The following PIAS4 variants were observed in gnomAD, a reference collection of about 807,000 sequenced individuals.
The protein encoded by PIAS4 is E3 SUMO-protein ligase PIAS4.
PIAS4 carries 7 observed loss-of-function variants against 58.0 expected under a neutral mutation model. That is an observed-to-expected ratio of 0.12 (90% CI 0.07 to 0.23). The LOEUF (loss-of-function observed/expected upper bound fraction) is 0.23, where lower values mean the gene tolerates loss of function less well. PIAS4 is among the 10% of genes least tolerant of loss of function. The pLI, the probability that PIAS4 is intolerant of heterozygous loss-of-function variation, is 1.00. For missense variants in PIAS4, 550 were observed against 709.5 expected (o/e 0.78, Z 2.55); for synonymous variants, 364 against 312.4 (o/e 1.17, Z -1.74).
intron 1 of PIAS4, 126 bp from the exon 2 acceptor site, chr19:4,012,797 A>C: frequency 9.2e-7 from 1 of 1,081,208 alleles, no homozygotes; most frequent in East Asian, 2.4e-5. Context: ...CACCAGCCCC[A>C]GCCAAGGCTG....
At chr19:4,010,451 T>G (rs2039982064) in intron 1 of PIAS4, among the ~76,000 whole-genome samples, 1 of 152,254 alleles carries the variant, frequency 6.6e-6, no homozygotes, top group African/African-American at 2.4e-5. Flanking sequence ...TTTGGGCCAC[T>G]TCCAGAAGAA....
chr19:4,024,175 C>T, intron 3 of PIAS4, 55 bp downstream of exon 3: 1 of 1,307,386 alleles, frequency 7.6e-7, no homozygotes, highest in African/African-American at 1.4e-5. Flanking sequence ...CCACTTTCTC[C>T]TGGGCTCACT....
Position 4,033,412 on chromosome 19 carries a change from C to A in PIAS4, c.982-8C>A, listed in dbSNP as rs1599232096. 4 of 1,548,740 alleles carry A rather than the reference C, an allele frequency of 2.6e-6. No individual in the cohort carries two copies. ...GGGTGCCCTGCTCACGCAGCCCCTC[C>A]CCCACAGCTGGTGAAGATGCGGCTC... On this transcript the variant is annotated splice_polypyrimidine_tract_variant and splice_region_variant and intron_variant, in intron 8 of 10. Coordinates refer to ENST00000262971, the MANE Select transcript of PIAS4 (RefSeq NM_015897.4).
intron 1 of PIAS4, among the ~76,000 whole-genome samples, chr19:4,011,710 GGTGTGGAGGT>G (rs1488496734): frequency 3.9e-5 from 4 of 102,568 alleles, no homozygotes; most frequent in African/African-American, 1.6e-4. Context: ...AGGTGTGTGG[GGTGTGGAGGT>G]GTGTGGGGTG....
intron 1 of PIAS4, among the ~76,000 whole-genome samples, chr19:4,009,184 G>T (rs1353364289): frequency 6.6e-6 from 1 of 151,920 alleles, no homozygotes; most frequent in African/African-American, 2.4e-5. Context: ...GTCCTGACCT[G>T]TACGTATCTT....
At chr19:4,010,042 G>A (rs2039977730) in intron 1 of PIAS4, among the ~76,000 whole-genome samples, 1 of 152,192 alleles carries the variant, frequency 6.6e-6, no homozygotes, top group South Asian at 2.1e-4. Context: ...CTCCCCATGC[G>A]ACTTCCAGGC....
rs559401432 is a variant in PIAS4 at position 4,037,178 on chromosome 19, G to A, written c.1143-196G>A. On this transcript the variant is annotated intron_variant, in intron 9 of 10. Coordinates refer to ENST00000262971, the MANE Select transcript of PIAS4 (RefSeq NM_015897.4). This position sits in a 1 kb window ranked among gnomAD's most constrained non-coding sequence, Gnocchi z 5.8. ...AGTGCCGTGCACTGCAGACCTGCCT[G>A]GGGCTCAGCACCTGCAGGGGCCTGA... 1.6e-4 allele frequency among the ~76,000 whole-genome samples: 24 copies of A among 152,342 alleles called. No individual in the cohort carries two copies. The East Asian group carries it at 3.9e-3, about 24-fold the overall frequency.
At chr19:4,024,003 C>T (rs751635414) in intron 2 of PIAS4, 33 bp from the exon 3 acceptor site, 20 of 1,466,926 alleles carry the variant, frequency 1.4e-5, no homozygotes, top group Middle Eastern at 3.5e-4. Context: ...TGCCAGGGAC[C>T]AGACATGCCC....
At chr19:4,014,052 T>C (rs535243266) in intron 2 of PIAS4, among the ~76,000 whole-genome samples, 8 of 151,882 alleles carry the variant, frequency 5.3e-5, no homozygotes, top group African/African-American at 1.9e-4. Context: ...GGCTGGCCAG[T>C]GGCATCCTTC....
intron 9 of PIAS4, among the ~76,000 whole-genome samples, chr19:4,036,074 C>T (rs1285180237): frequency 6.9e-6 from 1 of 145,352 alleles, no homozygotes; most frequent in African/African-American, 2.5e-5. Context: ...CACACTGTCA[C>T]ACATCCGTAC....
intron 2 of PIAS4, among the ~76,000 whole-genome samples, chr19:4,021,791 G>A (rs978633910): frequency 5.5e-5 from 8 of 145,310 alleles, no homozygotes; most frequent in African/African-American, 2.1e-4. Context: ...TGTTGCCCAG[G>A]CTGGAGTGCA....
At chr19:4,035,885 G>A (rs112755420) in intron 9 of PIAS4, among the ~76,000 whole-genome samples, 6,616 of 27,128 alleles carry the variant, frequency 0.24, 11 homozygotes, top group African/African-American at 0.44. Context: ...ACACACACCC[G>A]CACACATCCA....
At chr19:4,021,731 A>ATTTTCT (rs1462858661) in intron 2 of PIAS4, among the ~76,000 whole-genome samples, 3 of 127,146 alleles carry the variant, frequency 2.4e-5, no homozygotes, top group Non-Finnish European at 3.4e-5. Context: ...ATGGACCTGC[A>ATTTTCT]TTTTCTTTTT....
rs529157472 is a variant in PIAS4 at position 4,014,665 on chromosome 19, G to A, written c.454+1316G>A. Among the ~76,000 whole-genome samples the A allele has an allele frequency of 5.3e-5, 8 of 152,330 alleles. No homozygotes were observed. In the South Asian group the frequency reaches 8.3e-4, roughly 16 times the overall value. On this transcript the variant is annotated intron_variant, in intron 2 of 10. Transcript: ENST00000262971. The stretch of plus-strand genomic sequence containing the variant: ...CAGCAGGGAACAGGACCAAGGCCAC[G>A]AGGTTCAGAACCCTGTGCATGCCCC...
chr19:4,037,575 T>C lies in PIAS4; in HGVS notation c.1274-41T>C, dbSNP rs772075066. On this transcript the variant is annotated intron_variant, in intron 10 of 10. Transcript: ENST00000262971. This position sits in a 1 kb window ranked among gnomAD's most constrained non-coding sequence, Gnocchi z 5.8. Reference sequence around the variant, plus strand: ...CCTCAGTTTCCCCATTTATCAGTGGTTGCATCCTAAGTACCTGCACCCTGT... The same window carrying C: ...CCTCAGTTTCCCCATTTATCAGTGGCTGCATCCTAAGTACCTGCACCCTGT... 11 of 1,607,380 alleles carry C rather than the reference T, an allele frequency of 6.8e-6. No individual in the cohort carries two copies. The South Asian group carries it at 1.2e-4, about 18-fold the overall frequency.
At chr19:4,022,713 C>G (rs2040122628) in intron 2 of PIAS4, among the ~76,000 whole-genome samples, 2 of 151,546 alleles carry the variant, frequency 1.3e-5, no homozygotes, top group Admixed American at 1.3e-4. Context: ...AACAGTCTCA[C>G]TCTGTCGCCC....
At chr19:4,034,179 G>A (rs951571355) in intron 9 of PIAS4, among the ~76,000 whole-genome samples, 21 of 152,284 alleles carry the variant, frequency 1.4e-4, no homozygotes, top group African/African-American at 4.1e-4. Flanking sequence ...GGCGCCGACC[G>A]CGCCCACCTC....
intron 7 of PIAS4, 38 bp from the exon 8 acceptor site, chr19:4,033,062 C>T (rs780560805): frequency 3.2e-6 from 5 of 1,572,520 alleles, no homozygotes; most frequent in Non-Finnish European, 4.4e-6. Context: ...CCTGCTGTTC[C>T]CACCCTCCTG....
At position 4,037,976 on chromosome 19, in the gene PIAS4, GTCGT is replaced by G; in HGVS notation, c.*107_*110del. The G allele has an allele frequency of 1.5e-6, 2 of 1,305,986 alleles. No homozygotes were observed. Among genetic ancestry groups the G allele is most frequent in the South Asian group, 1.4e-5 (1 of 72,736 alleles). 80.9% of individuals were successfully genotyped at this position (1,305,986 alleles called of 1,614,324 possible). On this transcript the variant is annotated 3_prime_UTR_variant, in exon 11 of 11. Transcript: ENST00000262971. The surrounding 1 kb of genome is among the most constrained non-coding windows in gnomAD (Gnocchi z 5.8). ...AGTGACCTTTCTTTTTCTTTTTATT[GTCGT>G]TCGTTTTGTTTTTCCACCCTTTTGC... is the stretch of plus-strand genomic sequence containing the variant.
Sources: allele counts gnomAD v4.1 joint callset (sites outside exome capture counted in the v4.1 genomes callset), GRCh38; gene constraint gnomAD v4.1.1; non-coding constraint Gnocchi (gnomAD v3.1); transcripts MANE v1.5; gene names NCBI Gene and HGNC (gene_info 2026-07-23, HGNC 2026-07-21).